SEC14L5: variants seen among roughly 807,000 people sequenced by gnomAD.
SEC14L5 encodes SEC14 like lipid binding 5.
In SEC14L5, 96 loss-of-function variants were observed where a neutral mutation model predicts 84.6. The observed-to-expected ratio is 1.13, with a 90% confidence interval of 0.96 to 1.34. The LOEUF is 1.34. Among genes scored for constraint, SEC14L5 ranks in the 40% most tolerant of loss-of-function variants. The probability of loss-of-function intolerance (pLI) is 0.00; values close to 1 mark genes in which losing one functional copy is unlikely to be tolerated. For synonymous variants in SEC14L5, 546 were observed against 383.4 expected (o/e 1.42, Z -4.95); for missense variants, 1,224 against 942.5 (o/e 1.30, Z -3.91).
chr16:5,007,339 C>G lies in SEC14L5; in HGVS notation c.1438-13C>G. ...CTGGCCCTGACCTGCTGCCCTTTAT[C>G]TCTGACCTGCAGTGTAATGTCCCCG... On this transcript the variant is annotated splice_polypyrimidine_tract_variant and intron_variant, in intron 12 of 15. Transcript: ENST00000251170. 1.9e-6 allele frequency: 3 copies of G among 1,612,952 alleles called. No individual in the cohort carries two copies. The highest frequency in any genetic ancestry group is 1.1e-5 in the South Asian group (1 of 90,924).
At chr16:4,968,170 C>T (rs1264536401) in intron 2 of SEC14L5, among the ~76,000 whole-genome samples, 1 of 151,542 alleles carries the variant, frequency 6.6e-6, no homozygotes, top group Non-Finnish European at 1.5e-5. Flanking sequence ...CAGGTGTTCA[C>T]CACCACGCCT....
Position 5,008,634 on chromosome 16 carries a change from G to A in SEC14L5, c.1786G>A (p.Gly596Arg), listed in dbSNP as rs200209498. 89 of 1,607,316 alleles carry A rather than the reference G, an allele frequency of 5.5e-5. 1 individual carries two copies. The highest frequency in any genetic ancestry group is 1.3e-4 in the South Asian group (12 of 90,032). Reference sequence around the variant, plus strand: ...GGAGGCTCCCCTTGTCTGCCGGGAGGGGGAGAGCATCCAGGTTTGCATTTT... The same window carrying A: ...GGAGGCTCCCCTTGTCTGCCGGGAGAGGGAGAGCATCCAGGTTTGCATTTT... Reference protein sequence around the residue: ...RVEAPLVCREGESIQGSHVTR... With the variant: ...RVEAPLVCRERESIQGSHVTR... The change falls in exon 14 of 16, where the codon GGG (glycine) becomes AGG (arginine). Residue 596 changes from glycine (G) to arginine (R), a missense_variant. By Grantham distance (125) the Gly-to-Arg change is moderately radical (BLOSUM62 -2). Transcript: ENST00000251170.
At chr16:4,981,100 C>G (rs1955418171) in intron 2 of SEC14L5, among the ~76,000 whole-genome samples, 1 of 151,870 alleles carries the variant, frequency 6.6e-6, no homozygotes, top group South Asian at 2.1e-4. Flanking sequence ...TTCTCGGCAT[C>G]AAGGCCCGTT....
intron 2 of SEC14L5, 37 bp downstream of exon 2, chr16:4,959,423 G>C (rs753248957): frequency 6.4e-7 from 1 of 1,572,556 alleles, no homozygotes; most frequent in African/African-American, 1.3e-5. Flanking sequence ...CCATGTGACA[G>C]TTGGAGGGGC....
In SEC14L5 at chr16:5,008,628, C is replaced by A; in HGVS notation, c.1780C>A (p.Arg594=). 6.2e-7 allele frequency: 1 copy of A among 1,605,946 alleles called. No individual in the cohort carries two copies. The highest frequency in any genetic ancestry group is 8.5e-7 in the Non-Finnish European group (1 of 1,177,902). The change falls in exon 14 of 16, where the codon CGG becomes AGG. Residue 594 remains arginine (R), a synonymous_variant. Transcript: ENST00000251170. ...CCGTGTGGAGGCTCCCCTTGTCTGCCGGGAGGGGGAGAGCATCCAGGTTTG... is the reference window on the plus strand; with the variant it reads ...CCGTGTGGAGGCTCCCCTTGTCTGCAGGGAGGGGGAGAGCATCCAGGTTTG... ...YSRVEAPLVC[R]EGESIQGSHV...
At chr16:4,999,876 C>T (rs1036869097) in intron 8 of SEC14L5, among the ~76,000 whole-genome samples, 1 of 152,070 alleles carries the variant, frequency 6.6e-6, no homozygotes, top group Non-Finnish European at 1.5e-5. Context: ...GATTGCTCCA[C>T]TGAACTCCAG....
chr16:4,998,767 TA>T (rs1555530511), intron 8 of SEC14L5, among the ~76,000 whole-genome samples: 1 of 79,810 alleles, frequency 1.3e-5, no homozygotes, highest in African/African-American at 5.0e-5. Context: ...AAAAAAAAAA[TA>T]AACGTTCATC....
intron 2 of SEC14L5, among the ~76,000 whole-genome samples, chr16:4,972,570 A>G (rs529299254): frequency 1.9e-4 from 29 of 152,346 alleles, no homozygotes; most frequent in African/African-American, 6.3e-4. Flanking sequence ...ACCTCATAGA[A>G]AAGGAATCAT....
rs781323522 is a variant in SEC14L5, at chr16:5,014,912, C to T, written c.2033C>T (p.Ala678Val). ...ACCAGCGGCTTCTCCCAGCTCAGCG[C>T]CGCCACCTCGTCCTCCTCCTCCGGC... ...SCTSGFSQLSAATSSSSSGQS... is the reference protein window; with the variant it reads ...SCTSGFSQLSVATSSSSSGQS... Residue 678 changes from alanine to valine, a missense_variant, in exon 16 of 16, where the codon GCC (alanine) becomes GTC (valine). By Grantham distance (64) the Ala-to-Val change is moderately conservative (BLOSUM62 0). Coordinates refer to ENST00000251170, the MANE Select transcript of SEC14L5 (RefSeq NM_014692.2). 6.2e-7 allele frequency: 1 copy of T among 1,613,532 alleles called. No homozygotes were observed. The highest frequency in any genetic ancestry group is 8.5e-7 in the Non-Finnish European group (1 of 1,179,884).
In SEC14L5 at chr16:5,017,602, T is replaced by A. The variant is rs1955890041; in HGVS notation, c.*2632T>A. The A allele has an allele frequency of 6.6e-6, 1 of 152,212 alleles. No individual in the cohort carries two copies. Among genetic ancestry groups the A allele is most frequent in the African/African-American group, 2.4e-5 (1 of 41,458 alleles). 9.4% of individuals were successfully genotyped at this position (152,212 alleles called of 1,614,324 possible). On this transcript the variant is annotated 3_prime_UTR_variant, in exon 16 of 16. Coordinates refer to ENST00000251170, the MANE Select transcript of SEC14L5 (RefSeq NM_014692.2). ...AGCTCGAGTCACATGCTTATTCCTGTGGGCCACACTGGCAAGGAACTAGGG... is the reference window on the plus strand; with the variant it reads ...AGCTCGAGTCACATGCTTATTCCTGAGGGCCACACTGGCAAGGAACTAGGG...
chr16:4,994,516 G>C (rs1438438510), intron 6 of SEC14L5, among the ~76,000 whole-genome samples: 3 of 151,996 alleles, frequency 2.0e-5, no homozygotes, highest in Non-Finnish European at 4.4e-5. Flanking sequence ...GCTAATTTTT[G>C]TATTTTTAGT....
chr16:4,963,479 G>A (rs976169383), intron 2 of SEC14L5, among the ~76,000 whole-genome samples: 1 of 152,114 alleles, frequency 6.6e-6, no homozygotes, highest in African/African-American at 2.4e-5. Context: ...CTGAGTAGCT[G>A]AGATTACAGG....
At position 4,990,781 on chromosome 16, in the gene SEC14L5, T is replaced by G. The variant is rs1221187667; in HGVS notation, c.360T>G (p.Asn120Lys). 32 of 1,609,122 alleles carry G rather than the reference T, an allele frequency of 2.0e-5. No homozygotes were observed. The highest frequency in any genetic ancestry group is 2.7e-5 in the Non-Finnish European group (32 of 1,177,626). Residue 120 changes from asparagine to lysine, a missense_variant, in exon 5 of 16, where the codon AAT becomes AAG. Physicochemically the swap from Asn to Lys is moderately conservative, Grantham distance 94. Coordinates refer to ENST00000251170, the MANE Select transcript of SEC14L5 (RefSeq NM_014692.2). ...EHCSYTVHPE[N>K]EDWTCFEQSA... ...CTGGCTTTCAGGTCCACCCTGAGAA[T>G]GAAGACTGGACTTGCTTCGAGCAGT...
intron 8 of SEC14L5, among the ~76,000 whole-genome samples, chr16:5,000,269 T>G (rs1183184737): frequency 6.6e-6 from 1 of 152,180 alleles, no homozygotes; most frequent in Non-Finnish European, 1.5e-5. Flanking sequence ...CCAGCCTGGG[T>G]GACAGAGCAA....
Position 5,014,930 on chromosome 16 carries a change from C to T in SEC14L5, c.2051C>T (p.Ser684Phe), listed in dbSNP as rs374042929. The T allele has an allele frequency of 1.7e-4, 278 of 1,612,746 alleles. No homozygotes were observed. Among genetic ancestry groups the T allele is most frequent in the Non-Finnish European group, 2.3e-4 (270 of 1,179,896 alleles). The change falls in exon 16 of 16, where the codon TCC becomes TTC. Residue 684 changes from serine to phenylalanine, a missense_variant. Coordinates refer to ENST00000251170, the MANE Select transcript of SEC14L5 (RefSeq NM_014692.2). ...SQLSAATSSS[S>F]SGQSHSSSLV... is the part of the protein sequence containing the mutation. ...CTCAGCGCCGCCACCTCGTCCTCCT[C>T]CTCCGGCCAGTCTCATAGCAGCTCC...
Position 5,017,412 on chromosome 16 carries a change from T to G in SEC14L5, c.*2442T>G, listed in dbSNP as rs557079353. 6.6e-6 allele frequency: 1 copy of G among 152,454 alleles called. No homozygotes were observed. Among genetic ancestry groups the G allele is most frequent in the East Asian group, 1.9e-4 (1 of 5,192 alleles). The allele number at this position is 152,454 out of a possible 1,614,324, so 9.4% of individuals were successfully genotyped here. On this transcript the variant is annotated 3_prime_UTR_variant, in exon 16 of 16. Coordinates refer to ENST00000251170, the MANE Select transcript of SEC14L5 (RefSeq NM_014692.2). ...GCTTAATGTCCTCAGGCCTCTCAAC[T>G]GCACCCAGGCCTCTTGACTCTGCAT...
Position 5,014,914 on chromosome 16 carries a change from G to T in SEC14L5, c.2035G>T (p.Ala679Ser), listed in dbSNP as rs201032221. 3.1e-6 allele frequency: 5 copies of T among 1,613,330 alleles called. No individual in the cohort carries two copies. In the East Asian group the frequency reaches 1.1e-4, roughly 36 times the overall value. The change falls in exon 16 of 16, where the codon GCC (alanine) becomes TCC (serine). Residue 679 changes from alanine (A) to serine (S), a missense_variant. Coordinates refer to ENST00000251170, the MANE Select transcript of SEC14L5 (RefSeq NM_014692.2). ...CTSGFSQLSAATSSSSSGQSH... is the reference protein window; with the variant it reads ...CTSGFSQLSASTSSSSSGQSH... ...CAGCGGCTTCTCCCAGCTCAGCGCC[G>T]CCACCTCGTCCTCCTCCTCCGGCCA...
chr16:4,964,631 C>T (rs1448662801), intron 2 of SEC14L5, among the ~76,000 whole-genome samples: 1 of 152,052 alleles, frequency 6.6e-6, no homozygotes, highest in African/African-American at 2.4e-5. Flanking sequence ...CTCGAGGCCT[C>T]AGCACATTCC....
Position 5,014,886 on chromosome 16 carries a change from C to A in SEC14L5, c.2007C>A (p.Cys669Ter). ...FRGSMSSLES[C>*]TSGFSQLSAA... ...GCTCCATGTCCAGCCTGGAATCCTG[C>A]ACCAGCGGCTTCTCCCAGCTCAGCG... The change falls in exon 16 of 16, where the codon TGC (cysteine) becomes TGA (stop). Residue 669 changes from cysteine to a stop codon, truncating the protein, a stop_gained. Transcript: ENST00000251170. LOFTEE classifies it high-confidence loss of function. The A allele has an allele frequency of 1.2e-6, 2 of 1,613,726 alleles. No homozygotes were observed. Among genetic ancestry groups the A allele is most frequent in the Non-Finnish European group, 1.7e-6 (2 of 1,179,864 alleles).
Sources: gnomAD v4.1 joint callset for allele counts (sites outside exome capture counted in the v4.1 genomes callset) on GRCh38, gnomAD v4.1.1 for gene constraint, MANE v1.5 for transcripts, NCBI Gene and HGNC (gene_info 2026-07-23, HGNC 2026-07-21) for gene names.